Variants in CDH24 observed in about 807,000 individuals in gnomAD.
The protein encoded by CDH24 is cadherin-24.
A neutral mutation model predicts 71.2 loss-of-function variants in CDH24; 61 were observed. The ratio of observed to expected loss-of-function variants is 0.86; its 90% CI spans 0.70 to 1.06. The LOEUF (loss-of-function observed/expected upper bound fraction) is 1.06. CDH24 is among the 50% of genes least tolerant of loss of function. The probability of loss-of-function intolerance (pLI) is 0.00; values close to 1 mark genes in which losing one functional copy is unlikely to be tolerated. For synonymous variants in CDH24, 440 were observed against 470.2 expected, an observed-to-expected ratio of 0.94 and a Z score of 0.83; for missense variants, 961 against 1,083.7, an observed-to-expected ratio of 0.89 and a Z score of 1.59.
At position 23,054,957 on chromosome 14, in the gene CDH24, G is replaced by A. The variant is rs2047115765; in HGVS notation, c.497-91C>T. ...GGGGGATGCAGATACGAGGGAGGCT[G>A]AATTGAAGGGGGCAGGTTCTGGGGC... On this transcript the variant is annotated intron_variant, in intron 3 of 12. Coordinates refer to ENST00000487137, the MANE Select transcript of CDH24 (RefSeq NM_144985.4). The surrounding 1 kb of genome is among the most constrained non-coding windows in gnomAD (Gnocchi z 5.2). 1.3e-6 allele frequency: 2 copies of A among 1,592,894 alleles called. No individual in the cohort carries two copies. Among genetic ancestry groups the A allele is most frequent in the East Asian group, 4.5e-5 (2 of 44,640 alleles).
rs750499050 is a variant in CDH24, at chr14:23,052,520, C to T, written c.1316G>A (p.Arg439His). 3.7e-5 allele frequency: 60 copies of T among 1,613,946 alleles called. No individual in the cohort carries two copies. Among genetic ancestry groups the T allele is most frequent in the Non-Finnish European group, 4.6e-5 (54 of 1,179,996 alleles). Residue 439 changes from arginine to histidine, a missense_variant, in exon 8 of 13, where the codon CGC becomes CAC. By Grantham distance (29) the Arg-to-His change is conservative. Around this residue, in one of 2 missense-constraint regions of CDH24, gnomAD observed 671 missense variants for 810.9 expected, o/e 0.83. Transcript: ENST00000487137. ...GTIHTAAPLD[R>H]EARAWHNLTV... ...GAGGTTGTGCCAGGCGCGAGCCTCG[C>T]GATCCAGGGGTGCTGCTGTATGGAT... is the stretch of plus-strand genomic sequence containing the variant.
chr14:23,047,149 C>A lies in CDH24; in HGVS notation c.*745G>T, dbSNP rs1346949864. 1.3e-5 allele frequency: 2 copies of A among 152,412 alleles called. No individual in the cohort carries two copies. Among genetic ancestry groups the A allele is most frequent in the African/African-American group, 4.8e-5 (2 of 41,474 alleles). The allele number at this position is 152,412 out of a possible 1,614,324, so 9.4% of individuals were successfully genotyped here. ...CTCCCTCTTTCCCCTTCCCCAGCCG[C>A]CTCCCCCTTTCCTTTCCCTACTCCC... On this transcript the variant is annotated 3_prime_UTR_variant, in exon 13 of 13. Transcript: ENST00000487137.
chr14:23,050,590 A>G (rs1027778841), intron 8 of CDH24, among the ~76,000 whole-genome samples: 2 of 152,064 alleles, frequency 1.3e-5, no homozygotes. Context: ...TATCTTGGGT[A>G]GAAAGGTGCT....
intron 8 of CDH24, among the ~76,000 whole-genome samples, chr14:23,050,901 G>C (rs551020811): frequency 6.6e-6 from 1 of 152,272 alleles, no homozygotes; most frequent in South Asian, 2.1e-4. Flanking sequence ...AAAAGGATTG[G>C]GATACCCCAG....
chr14:23,053,813 T>C, intron 6 of CDH24, 64 bp from the exon 7 acceptor site: 1 of 1,498,226 alleles, frequency 6.7e-7, no homozygotes, highest in South Asian at 1.3e-5. Flanking sequence ...CCCAGGCTCT[T>C]GGAAGGTGAC....
At position 23,055,068 on chromosome 14, in the gene CDH24, A is replaced by G; in HGVS notation, c.487T>C (p.Ser163Pro). 1 of 1,610,160 alleles carries G rather than the reference A, an allele frequency of 6.2e-7. No individual in the cohort carries two copies. The highest frequency in any genetic ancestry group is 8.5e-7 in the Non-Finnish European group (1 of 1,176,880). The change falls in exon 3 of 13, where the codon TCC becomes CCC. Residue 163 changes from serine to proline, a missense_variant. Ser to Pro is a moderately conservative substitution (Grantham distance 74). Coordinates refer to ENST00000487137, the MANE Select transcript of CDH24 (RefSeq NM_144985.4). This position sits in a 1 kb window ranked among gnomAD's most constrained non-coding sequence, Gnocchi z 4.1. ...GAGCTGGGGTGCTCACCGACATTGGACATCTCGGGCACGGTGGCATGGTAG... is the reference window on the plus strand; with the variant it reads ...GAGCTGGGGTGCTCACCGACATTGGGCATCTCGGGCACGGTGGCATGGTAG... ...GPYHATVPEM[S>P]NVGTSVIQVT...
Position 23,047,801 on chromosome 14 carries a change from C to A in CDH24, c.*179G>T. On this transcript the variant is annotated 3_prime_UTR_variant, in exon 12 of 13. Coordinates refer to ENST00000487137, the MANE Select transcript of CDH24 (RefSeq NM_144985.4). The stretch of plus-strand genomic sequence containing the variant: ...GATTCCTGGAGAGAGACACACACAC[C>A]GACTCAGGAGGAGGGAGGTGAGAGC... 2.6e-6 allele frequency: 1 copy of A among 386,958 alleles called. No individual in the cohort carries two copies. 24.0% of individuals were successfully genotyped at this position (386,958 alleles called of 1,614,324 possible).
Position 23,057,164 on chromosome 14 carries a change from G to A in CDH24, c.-125+239C>T, listed in dbSNP as rs964933241. On this transcript the variant is annotated intron_variant, in intron 1 of 12. Coordinates refer to ENST00000487137, the MANE Select transcript of CDH24 (RefSeq NM_144985.4). The surrounding 1 kb of genome is among the most constrained non-coding windows in gnomAD (Gnocchi z 5.4). Reference sequence around the variant, plus strand: ...AAGAGGGAGAGGGAAGGGTTGGGGAGACAGAGGGAAGGGATAAGGAAGGCA... The same window carrying A: ...AAGAGGGAGAGGGAAGGGTTGGGGAAACAGAGGGAAGGGATAAGGAAGGCA... 6.6e-6 allele frequency among the ~76,000 whole-genome samples: 1 copy of A among 151,760 alleles called. No homozygotes were observed. Among genetic ancestry groups the A allele is most frequent in the Admixed American group, 6.6e-5 (1 of 15,254 alleles).
rs774405552 is a variant in CDH24 at position 23,055,051 on chromosome 14, G to A, written c.496+8C>T. ...GGGAACTGGGGCATTCAGAGCTGGG[G>A]TGCTCACCGACATTGGACATCTCGG... On this transcript the variant is annotated splice_region_variant and intron_variant, in intron 3 of 12. Coordinates refer to ENST00000487137, the MANE Select transcript of CDH24 (RefSeq NM_144985.4). The surrounding 1 kb of genome is among the most constrained non-coding windows in gnomAD (Gnocchi z 4.1). 6.2e-7 allele frequency: 1 copy of A among 1,606,986 alleles called. No homozygotes were observed. Among genetic ancestry groups the A allele is most frequent in the East Asian group, 2.2e-5 (1 of 44,714 alleles).
At position 23,054,054 on chromosome 14, in the gene CDH24, T is replaced by C; in HGVS notation, c.972+87A>G. On this transcript the variant is annotated intron_variant, in intron 6 of 12. Coordinates refer to ENST00000487137, the MANE Select transcript of CDH24 (RefSeq NM_144985.4). The surrounding 1 kb of genome is among the most constrained non-coding windows in gnomAD (Gnocchi z 5.2). ...TAAGCTCCAACAGAGAGATCCTGAG[T>C]CTGTTCTAGAAGAACAGTTAAATAT... 2 of 1,341,648 alleles carry C rather than the reference T, an allele frequency of 1.5e-6. No homozygotes were observed. The highest frequency in any genetic ancestry group is 2.0e-6 in the Non-Finnish European group (2 of 987,096). 83.1% of individuals were successfully genotyped at this position (1,341,648 alleles called of 1,614,324 possible). A position where few individuals can be genotyped will look rare whatever the true frequency, so the allele number is the denominator to read the frequency against.
chr14:23,052,160 G>A (rs1288355586), intron 8 of CDH24: 1 of 873,608 alleles, frequency 1.1e-6, no homozygotes, highest in Non-Finnish European at 1.9e-6. Flanking sequence ...TTATTTCTGG[G>A]TTGGGGCAAG....
chr14:23,052,429 C>G, intron 8 of CDH24, 44 bp downstream of exon 8: 2 of 1,609,920 alleles, frequency 1.2e-6, no homozygotes, highest in Non-Finnish European at 1.7e-6. Context: ...GACAGCTCCT[C>G]GGCCAGGAGG....
intron 11 of CDH24, 112 bp downstream of exon 11, chr14:23,048,915 T>G: frequency 1.6e-6 from 2 of 1,268,222 alleles, no homozygotes; most frequent in Non-Finnish European, 2.2e-6. Flanking sequence ...AATCCAGGTA[T>G]GAGGGTCGTT....
Position 23,054,875 on chromosome 14 carries a change from G to A in CDH24, c.497-9C>T. Reference sequence around the variant, plus strand: ...CTGGATCACTGATGTCCCTGTGGGGGATGCCAGCACGCCATTCAGCAGCAG... The same window carrying A: ...CTGGATCACTGATGTCCCTGTGGGGAATGCCAGCACGCCATTCAGCAGCAG... On this transcript the variant is annotated splice_polypyrimidine_tract_variant and intron_variant, in intron 3 of 12. Transcript: ENST00000487137. The surrounding 1 kb of genome is among the most constrained non-coding windows in gnomAD (Gnocchi z 5.2). 6.2e-7 allele frequency: 1 copy of A among 1,612,616 alleles called. No individual in the cohort carries two copies. The highest frequency in any genetic ancestry group is 8.5e-7 in the Non-Finnish European group (1 of 1,179,962).
Position 23,054,475 on chromosome 14 carries a change from G to A in CDH24, c.784+31C>T, listed in dbSNP as rs139454267. 885 of 1,600,490 alleles carry A rather than the reference G, an allele frequency of 5.5e-4. 2 individuals carry two copies. The African/African-American group carries it at 0.01, about 18-fold the overall frequency. On this transcript the variant is annotated intron_variant, in intron 5 of 12. Transcript: ENST00000487137. The surrounding 1 kb of genome is among the most constrained non-coding windows in gnomAD (Gnocchi z 5.2). ...CACTGTAGGGGTGGGGTGATCAAAG[G>A]ATGGCTCAGGTGGCAGCAATGGCCC...
rs770851771 is a variant in CDH24, at chr14:23,055,204, T to A, written c.351A>T (p.Leu117=). Residue 117 remains leucine (L), a synonymous_variant, in exon 3 of 13, where the codon CTA becomes CTT. Transcript: ENST00000487137. This position sits in a 1 kb window ranked among gnomAD's most constrained non-coding sequence, Gnocchi z 4.1. ...AGGCTCGGTCCACGGCTTGGGCCAGTAGCACATATTGCGCCTTTTCCTCCC... is the reference window on the plus strand; with the variant it reads ...AGGCTCGGTCCACGGCTTGGGCCAGAAGCACATATTGCGCCTTTTCCTCCC... ...LDREEKAQYV[L]LAQAVDRASN... 2 of 1,614,168 alleles carry A rather than the reference T, an allele frequency of 1.2e-6. No homozygotes were observed. The highest frequency in any genetic ancestry group is 2.2e-5 in the South Asian group (2 of 91,084).
At chr14:23,052,075 A>C in intron 8 of CDH24, 5 of 1,553,766 alleles carry the variant, frequency 3.2e-6, no homozygotes, top group Non-Finnish European at 4.4e-6. Context: ...TCTGGCCCCC[A>C]GCTCCAGCCT....
intron 11 of CDH24, 55 bp from the exon 12 acceptor site, chr14:23,048,534 C>T (rs2047060933): frequency 6.3e-7 from 1 of 1,578,848 alleles, no homozygotes; most frequent in Non-Finnish European, 8.6e-7. Flanking sequence ...GAGCGGGCGG[C>T]CTGTCTCCAT....
At position 23,055,630 on chromosome 14, in the gene CDH24, G is replaced by A. The variant is rs776729940; in HGVS notation, c.104C>T (p.Pro35Leu). Residue 35 changes from proline to leucine, a missense_variant, in exon 2 of 13, where the codon CCA (proline) becomes CTA (leucine). Physicochemically the swap from Pro to Leu is moderately conservative, Grantham distance 98 (BLOSUM62 -3). This residue lies in a region of CDH24 where 671 missense variants were observed against 810.9 expected (regional missense o/e 0.83). Transcript: ENST00000487137. The surrounding 1 kb of genome is among the most constrained non-coding windows in gnomAD (Gnocchi z 4.1). The part of the protein sequence containing the change: ...ARAWAGSREH[P>L]GPALLRTRRS... ...TCGAGTCCGCAGCAGAGCAGGCCCT[G>A]GGTGTTCCCGGGACCCTGCCCAGGC... The A allele has an allele frequency of 6.2e-7, 1 of 1,613,078 alleles. No individual in the cohort carries two copies. Among genetic ancestry groups the A allele is most frequent in the Non-Finnish European group, 8.5e-7 (1 of 1,179,742 alleles).
Sources: allele counts gnomAD v4.1 joint callset (sites outside exome capture counted in the v4.1 genomes callset), GRCh38; gene constraint gnomAD v4.1.1; regional missense constraint gnomAD v4.1.1; non-coding constraint Gnocchi (gnomAD v3.1); transcripts MANE v1.5; gene names NCBI Gene and HGNC (gene_info 2026-07-23, HGNC 2026-07-21).